GDAP1: variants seen among roughly 807,000 people sequenced by gnomAD.
The protein encoded by GDAP1 is ganglioside induced differentiation associated protein 1, also known as ganglioside-induced differentiation-associated protein 1.
A neutral mutation model predicts 40.1 loss-of-function variants in GDAP1; 34 were observed. The observed-to-expected ratio is 0.85, with a 90% CI of 0.64 to 1.13. The LOEUF (loss-of-function observed/expected upper bound fraction) is 1.13, where lower values mean the gene tolerates loss of function less well. Ranked by LOEUF, GDAP1 falls within the 50% of genes most tolerant of loss-of-function variation. The pLI, the probability that GDAP1 is intolerant of heterozygous loss-of-function variation, is 0.00. For missense variants in GDAP1, 374 were observed against 433.7 expected, an observed-to-expected ratio of 0.86 and a Z score of 1.22; for synonymous variants, 170 against 157.4, an observed-to-expected ratio of 1.08 and a Z score of -0.60.
chr8:74,362,574 T>TA (rs1809422069), intron 4 of GDAP1, among the ~76,000 whole-genome samples: 1 of 152,172 alleles, frequency 6.6e-6, no homozygotes, highest in Admixed American at 6.5e-5. Context: ...TCGGACTTCT[T>TA]ACTCATCCCT....
At chr8:74,373,709 A>T (rs1436040861) in intron 2 of GDAP1, among the ~76,000 whole-genome samples, 3 of 152,136 alleles carry the variant, frequency 2.0e-5, no homozygotes, top group Admixed American at 6.6e-5. Context: ...GCAAACAGGG[A>T]CAATTTGACT....
chr8:74,369,266 G>T (rs1809708987), downstream of GDAP1, among the ~76,000 whole-genome samples: 1 of 152,040 alleles, frequency 6.6e-6, no homozygotes, highest in African/African-American at 2.4e-5. Flanking sequence ...GACAAGCAAA[G>T]TTATAGGACT....
chr8:74,471,225 T>C (rs532153709), intron 2 of GDAP1, among the ~76,000 whole-genome samples: 1,755 of 152,282 alleles, frequency 0.012, 25 homozygotes, highest in African/African-American at 0.04. Context: ...GTAGTTTCTT[T>C]TGCTGTGCAG....
chr8:74,393,146 T>C (rs550802807), intron 2 of GDAP1, among the ~76,000 whole-genome samples: 3 of 152,312 alleles, frequency 2.0e-5, no homozygotes, highest in African/African-American at 4.8e-5. Context: ...TTAATAACAA[T>C]GAGAATTTAT....
At chr8:74,393,581 C>T in intron 2 of GDAP1, among the ~76,000 whole-genome samples, 1 of 152,016 alleles carries the variant, frequency 6.6e-6, no homozygotes. Context: ...AACAAAGGGG[C>T]AGAAATTTAA....
At chr8:74,436,503 A>G (rs1389212172) in intron 2 of GDAP1, among the ~76,000 whole-genome samples, 1 of 145,074 alleles carries the variant, frequency 6.9e-6, no homozygotes, top group Non-Finnish European at 1.5e-5. Flanking sequence ...GCTCACTGCA[A>G]CCTCCACCTC....
At chr8:74,372,918 T>C (rs1366212296) in intron 2 of GDAP1, among the ~76,000 whole-genome samples, 1 of 152,208 alleles carries the variant, frequency 6.6e-6, no homozygotes, top group Non-Finnish European at 1.5e-5. Flanking sequence ...TTTAAGTCTT[T>C]AATCCATCTT....
intron 2 of GDAP1, among the ~76,000 whole-genome samples, chr8:74,464,779 A>T (rs1806447470): frequency 6.6e-6 from 1 of 152,214 alleles, no homozygotes; most frequent in African/African-American, 2.4e-5. Context: ...TGCCATATTT[A>T]GGGAAAGGGA....
At chr8:74,386,567 A>C (rs145738262) in intron 2 of GDAP1, among the ~76,000 whole-genome samples, 3 of 152,168 alleles carry the variant, frequency 2.0e-5, no homozygotes, top group African/African-American at 7.2e-5. Context: ...TACCAGTACC[A>C]TGCGATTTTT....
At chr8:74,367,098 CAAA>C (rs71563287), downstream of GDAP1, 5 of 140,180 alleles carry the variant, frequency 3.6e-5, no homozygotes, top group Non-Finnish European at 1.5e-5. Context: ...ACTGATCTCT[CAAA>C]AAAAAAAAAA....
chr8:74,473,202 G>A (rs1288914245), intron 2 of GDAP1, among the ~76,000 whole-genome samples: 1 of 151,444 alleles, frequency 6.6e-6, no homozygotes, highest in Non-Finnish European at 1.5e-5. Flanking sequence ...TTAGACCTTT[G>A]TCCGATGCAT....
chr8:74,382,840 A>G (rs1288028115), intron 2 of GDAP1, among the ~76,000 whole-genome samples: 3 of 151,750 alleles, frequency 2.0e-5, no homozygotes, highest in Admixed American at 2.0e-4. Flanking sequence ...TAATTTTTGG[A>G]TTACTAATTT....
chr8:74,403,530 G>T (rs1805591332), intron 2 of GDAP1, among the ~76,000 whole-genome samples: 2 of 150,248 alleles, frequency 1.3e-5, no homozygotes, highest in Non-Finnish European at 2.9e-5. Context: ...TAAACAAGCT[G>T]GCCAAATATT....
intron 2 of GDAP1, among the ~76,000 whole-genome samples, chr8:74,381,491 C>T (rs750845449): frequency 3.9e-5 from 6 of 152,054 alleles, no homozygotes; most frequent in Non-Finnish European, 7.4e-5. Context: ...TATGGTGGCT[C>T]ATGCCTGTAA....
At chr8:74,471,343 C>A (rs901979665) in intron 2 of GDAP1, among the ~76,000 whole-genome samples, 1 of 151,872 alleles carries the variant, frequency 6.6e-6, no homozygotes, top group Non-Finnish European at 1.5e-5. Context: ...ATTTTCACTT[C>A]ATCTTTTTTC....
chr8:74,461,506 T>C (rs1806399886), intron 2 of GDAP1, among the ~76,000 whole-genome samples: 1 of 152,230 alleles, frequency 6.6e-6, no homozygotes, highest in South Asian at 2.1e-4. Context: ...CAATTCAAAG[T>C]GCCCACATTT....
At chr8:74,440,632 G>A (rs578037763) in intron 2 of GDAP1, among the ~76,000 whole-genome samples, 35 of 150,496 alleles carry the variant, frequency 2.3e-4, no homozygotes, top group African/African-American at 8.3e-4. Flanking sequence ...ATGAGTTAGG[G>A]TTTGCATGTA....
intron 2 of GDAP1, among the ~76,000 whole-genome samples, chr8:74,483,888 G>C (rs1563481959): frequency 6.6e-6 from 1 of 152,126 alleles, no homozygotes; most frequent in Non-Finnish European, 1.5e-5. Context: ...CACCTTACGG[G>C]ATAGTTGGCC....
chr8:74,429,622 ATCTTC>A (rs1235516839), intron 2 of GDAP1, among the ~76,000 whole-genome samples: 1 of 152,096 alleles, frequency 6.6e-6, no homozygotes, highest in African/African-American at 2.4e-5. Context: ...CTGTGTCCTA[ATCTTC>A]TCTTCTTATA....
Sources: gnomAD v4.1 joint callset for allele counts (sites outside exome capture counted in the v4.1 genomes callset) on GRCh38, gnomAD v4.1.1 for gene constraint, MANE v1.5 for transcripts, NCBI Gene and HGNC (gene_info 2026-07-23, HGNC 2026-07-21) for gene names.